The following LOC400499 variants were observed in gnomAD, a reference collection of about 807,000 sequenced individuals.
At chr16:11,493,735 G>C in the LOC400499 span, 2 of 396,024 alleles carry the variant, frequency 5.1e-6, no homozygotes. Context: ...GGCACTCAAC[G>C]TAGGGGTGAG....
the LOC400499 span, chr16:11,414,603 G>A: frequency 3.0e-5 from 12 of 398,964 alleles, no homozygotes; most frequent in Non-Finnish European, 4.4e-5. Context: ...CATGCCCTGT[G>A]GCCCTCAAAC....
At chr16:11,472,102 C>T in the LOC400499 span, 1 of 337,872 alleles carries the variant, frequency 3.0e-6, no homozygotes, top group Non-Finnish European at 5.3e-6. Flanking sequence ...TGCCAGTAAC[C>T]CCTACCAACA....
At chr16:11,458,738 T>G in the LOC400499 span, among the ~76,000 whole-genome samples, 49 of 151,974 alleles carry the variant, frequency 3.2e-4, no homozygotes, top group African/African-American at 1.1e-3. Flanking sequence ...TCCAAAATGG[T>G]TAAAATAGTA....
chr16:11,457,036 C>G, the LOC400499 span: 1 of 1,521,590 alleles, frequency 6.6e-7, no homozygotes, highest in Non-Finnish European at 8.8e-7. Flanking sequence ...ACCTGCAGCA[C>G]AAACTGGAGA....
chr16:11,518,407 A>G, the LOC400499 span, among the ~76,000 whole-genome samples: 1 of 152,050 alleles, frequency 6.6e-6, no homozygotes, highest in Non-Finnish European at 1.5e-5. Context: ...CTGGGTCACA[A>G]AAGAGGGGCT....
At chr16:11,479,270 T>C in the LOC400499 span, among the ~76,000 whole-genome samples, 2 of 152,128 alleles carry the variant, frequency 1.3e-5, no homozygotes, top group Non-Finnish European at 2.9e-5. Flanking sequence ...AGAGACTGTG[T>C]GTATGTTTTC....
chr16:11,493,836 G>A, the LOC400499 span: 12 of 214,992 alleles, frequency 5.6e-5, no homozygotes, highest in East Asian at 6.5e-4. Context: ...GGGCAGTGGC[G>A]TGGGGGGCGG....
At chr16:11,501,202 T>C in the LOC400499 span, among the ~76,000 whole-genome samples, 3 of 152,040 alleles carry the variant, frequency 2.0e-5, no homozygotes, top group African/African-American at 4.8e-5. Context: ...GAAACACTGG[T>C]GTGGGAAAAC....
the LOC400499 span, among the ~76,000 whole-genome samples, chr16:11,525,143 G>A: frequency 6.6e-6 from 1 of 151,978 alleles, no homozygotes; most frequent in Non-Finnish European, 1.5e-5. Flanking sequence ...AATTAGCCGG[G>A]CGTGGTGGTG....
At chr16:11,377,507 T>G in the LOC400499 span, among the ~76,000 whole-genome samples, 1 of 152,266 alleles carries the variant, frequency 6.6e-6, no homozygotes, top group Non-Finnish European at 1.5e-5. Context: ...TCTGTATGTT[T>G]TTAATCACGA....
the LOC400499 span, chr16:11,465,428 G>C: frequency 3.3e-4 from 51 of 152,288 alleles, no homozygotes; most frequent in Admixed American, 2.9e-3. Context: ...TTCCTGAAAA[G>C]TGGATAGAAG....
the LOC400499 span, among the ~76,000 whole-genome samples, chr16:11,386,618 C>T: frequency 6.6e-6 from 1 of 152,230 alleles, no homozygotes; most frequent in African/African-American, 2.4e-5. Flanking sequence ...GAGCGAGCCA[C>T]GTTGTTACCT....
the LOC400499 span, chr16:11,478,646 C>A: frequency 2.5e-6 from 1 of 399,190 alleles, no homozygotes; most frequent in Non-Finnish European, 4.4e-6. Context: ...ACGCTCAGCT[C>A]GCATCGCAGA....
chr16:11,394,257 G>A, the LOC400499 span, among the ~76,000 whole-genome samples: 14 of 152,342 alleles, frequency 9.2e-5, no homozygotes, highest in Non-Finnish European at 1.8e-4. Flanking sequence ...AGCCTTGGGG[G>A]CACGGCAGGG....
chr16:11,475,692 C>G, the LOC400499 span: 1 of 399,074 alleles, frequency 2.5e-6, no homozygotes, highest in Non-Finnish European at 4.4e-6. Flanking sequence ...CACGCCATCC[C>G]TGGTGATGAG....
the LOC400499 span, among the ~76,000 whole-genome samples, chr16:11,447,748 G>C: frequency 6.6e-6 from 1 of 152,066 alleles, no homozygotes; most frequent in Admixed American, 6.6e-5. Context: ...CTAATGGAGG[G>C]GGCGAGGGAT....
the LOC400499 span, among the ~76,000 whole-genome samples, chr16:11,409,991 G>A: frequency 1.3e-5 from 2 of 152,184 alleles, no homozygotes; most frequent in South Asian, 2.1e-4. Flanking sequence ...AGAAGCTCCC[G>A]GAATGGAGCC....
At chr16:11,419,449 T>C in the LOC400499 span, among the ~76,000 whole-genome samples, 1 of 150,878 alleles carries the variant, frequency 6.6e-6, no homozygotes, top group Non-Finnish European at 1.5e-5. Flanking sequence ...AAAAATTAAT[T>C]CAAGATGGAT....
chr16:11,386,629 A>G, the LOC400499 span, among the ~76,000 whole-genome samples: 219 of 152,166 alleles, frequency 1.4e-3, 3 homozygotes, highest in African/African-American at 4.7e-3. Context: ...GTTGTTACCT[A>G]CATTTCACGG....
Sources: allele counts gnomAD v4.1 joint callset (sites outside exome capture counted in the v4.1 genomes callset), GRCh38; gene constraint gnomAD v4.1.1; transcripts MANE v1.5.